Variants in SORCS1 observed in about 807,000 individuals in gnomAD.
SORCS1 encodes sortilin related VPS10 domain containing receptor 1, also known as VPS10 domain-containing receptor SorCS1.
In SORCS1, 60 loss-of-function variants were observed where a neutral mutation model predicts 146.1. The ratio of observed to expected loss-of-function variants is 0.41; its 90% CI spans 0.33 to 0.51. The LOEUF is 0.51. Ranked by LOEUF, SORCS1 falls within the 20% of genes least tolerant of loss-of-function variation. The probability of loss-of-function intolerance (pLI) is 0.21; values close to 1 mark genes in which losing one functional copy is unlikely to be tolerated. For missense variants in SORCS1, 1,352 were observed against 1,487.6 expected (o/e 0.91, Z 1.50); for synonymous variants, 637 against 584.0 (o/e 1.09, Z -1.31).
chr10:107,088,637 G>A (rs61867230), intron 1 of SORCS1, among the ~76,000 whole-genome samples: 20,317 of 152,234 alleles, frequency 0.13, 1,622 homozygotes, highest in South Asian at 0.19. Context: ...GATGATCAGT[G>A]GCTTTTTGTC....
chr10:106,780,546 T>C (rs1376331114), intron 3 of SORCS1, among the ~76,000 whole-genome samples: 1 of 152,146 alleles, frequency 6.6e-6, no homozygotes, highest in African/African-American at 2.4e-5. Context: ...CTGTTGTAAA[T>C]GAATAAAGGA....
At chr10:106,968,976 C>T (rs1202934750) in intron 1 of SORCS1, among the ~76,000 whole-genome samples, 1 of 152,090 alleles carries the variant, frequency 6.6e-6, no homozygotes, top group Non-Finnish European at 1.5e-5. Flanking sequence ...TTTTGTTTGC[C>T]TTGTCTGAGT....
intron 5 of SORCS1, among the ~76,000 whole-genome samples, chr10:106,731,062 C>A (rs894177096): frequency 3.3e-5 from 5 of 151,728 alleles, no homozygotes; most frequent in Non-Finnish European, 7.4e-5. Context: ...GTAATCCCAG[C>A]ACTTTGGGAG....
chr10:106,579,379 T>A lies in SORCS1; in HGVS notation c.3361A>T (p.Lys1121Ter), dbSNP rs1844765204. 2 of 1,613,678 alleles carry A rather than the reference T, an allele frequency of 1.2e-6. No homozygotes were observed. The highest frequency in any genetic ancestry group is 1.3e-5 in the African/African-American group (1 of 74,816). The part of the protein sequence containing the change: ...FVGLAVFVIY[K>*]FKRRVALPSP... Reference sequence around the variant, plus strand: ...TAGAGGGACACGCACCTTTTAAACTTGTAGATGACGAACACTGCCAGCCCC... The same window carrying A: ...TAGAGGGACACGCACCTTTTAAACTAGTAGATGACGAACACTGCCAGCCCC... The change falls in exon 25 of 26, where the codon AAG (lysine) becomes TAG (stop). Residue 1121 changes from lysine to a stop codon, truncating the protein, a stop_gained. Coordinates refer to ENST00000263054, the MANE Select transcript of SORCS1 (RefSeq NM_052918.5). LOFTEE classifies it high-confidence loss of function.
At chr10:107,025,003 A>G (rs1958337442) in intron 1 of SORCS1, among the ~76,000 whole-genome samples, 1 of 152,218 alleles carries the variant, frequency 6.6e-6, no homozygotes, top group Non-Finnish European at 1.5e-5. Flanking sequence ...TCAGTACTAG[A>G]GTGTTGTGAA....
intron 4 of SORCS1, among the ~76,000 whole-genome samples, chr10:106,766,227 T>G (rs1384306954): frequency 6.6e-6 from 1 of 152,142 alleles, no homozygotes; most frequent in Non-Finnish European, 1.5e-5. Context: ...GGCCTGCAAA[T>G]TGTACTTCTT....
chr10:107,089,311 TG>T (rs1227149877), intron 1 of SORCS1, among the ~76,000 whole-genome samples: 3 of 152,200 alleles, frequency 2.0e-5, no homozygotes, highest in Non-Finnish European at 2.9e-5. Flanking sequence ...AAACTGTTTA[TG>T]GGGTAAACAA....
chr10:106,707,301 G>A (rs1232769271), intron 7 of SORCS1, among the ~76,000 whole-genome samples: 1 of 151,182 alleles, frequency 6.6e-6, no homozygotes. Context: ...TGATTCTCCT[G>A]CCTTAGCCTC....
chr10:106,935,894 A>G (rs1953686286), intron 2 of SORCS1, among the ~76,000 whole-genome samples: 1 of 152,228 alleles, frequency 6.6e-6, no homozygotes, highest in Non-Finnish European at 1.5e-5. Context: ...CAAGTAGGTG[A>G]AGCTATTTCA....
chr10:106,620,114 G>A (rs1459196553), intron 20 of SORCS1: 1 of 198,134 alleles, frequency 5.0e-6, no homozygotes, highest in African/African-American at 2.3e-5. Flanking sequence ...ACTGTTGTTA[G>A]AACTTTCAGG....
At chr10:106,822,778 T>C (rs73373208) in intron 3 of SORCS1, among the ~76,000 whole-genome samples, 8,926 of 143,832 alleles carry the variant, frequency 0.062, 868 homozygotes, top group African/African-American at 0.2. Flanking sequence ...TGAATTCATG[T>C]GTGGTTTTTT....
chr10:106,704,138 A>G (rs11599352), intron 8 of SORCS1, among the ~76,000 whole-genome samples: 1 of 152,176 alleles, frequency 6.6e-6, no homozygotes, highest in Non-Finnish European at 1.5e-5. Flanking sequence ...ACCTCCAGCA[A>G]TGAGTCTACA....
chr10:106,892,161 A>T (rs1357151871), intron 2 of SORCS1, among the ~76,000 whole-genome samples: 9 of 152,242 alleles, frequency 5.9e-5, no homozygotes, highest in Non-Finnish European at 1.3e-4. Flanking sequence ...ATTGAATGAA[A>T]TGGACCGAGA....
At chr10:106,949,660 C>G (rs1564843410) in intron 2 of SORCS1, among the ~76,000 whole-genome samples, 1 of 152,218 alleles carries the variant, frequency 6.6e-6, no homozygotes, top group Non-Finnish European at 1.5e-5. Context: ...CACATTCTCT[C>G]TCCTTAAATT....
At chr10:106,745,533 T>G (rs1345172862) in intron 5 of SORCS1, among the ~76,000 whole-genome samples, 1 of 152,240 alleles carries the variant, frequency 6.6e-6, no homozygotes, top group Non-Finnish European at 1.5e-5. Context: ...AGATTGGCTA[T>G]GAATACTATA....
At chr10:106,700,596 G>A (rs1362298532) in intron 8 of SORCS1, among the ~76,000 whole-genome samples, 1 of 152,176 alleles carries the variant, frequency 6.6e-6, no homozygotes, top group Non-Finnish European at 1.5e-5. Flanking sequence ...CAATCTTCCT[G>A]TTAACAATTC....
At chr10:107,049,087 TA>T (rs1275707850) in intron 1 of SORCS1, among the ~76,000 whole-genome samples, 1 of 151,092 alleles carries the variant, frequency 6.6e-6, no homozygotes, top group Non-Finnish European at 1.5e-5. Context: ...TATGCAGCCA[TA>T]AAAAATGATG....
intron 3 of SORCS1, among the ~76,000 whole-genome samples, chr10:106,812,048 T>C (rs1442891808): frequency 6.6e-6 from 1 of 152,180 alleles, no homozygotes; most frequent in Non-Finnish European, 1.5e-5. Flanking sequence ...TCGCCCAGGC[T>C]GGAGTGCAGT....
intron 5 of SORCS1, among the ~76,000 whole-genome samples, chr10:106,749,281 T>C (rs1214888312): frequency 1.3e-5 from 2 of 152,198 alleles, no homozygotes; most frequent in African/African-American, 4.8e-5. Context: ...CCCGACAGGT[T>C]CTAGTTTGTC....
Sources: allele counts gnomAD v4.1 joint callset (sites outside exome capture counted in the v4.1 genomes callset), GRCh38; gene constraint gnomAD v4.1.1; transcripts MANE v1.5; gene names NCBI Gene and HGNC (gene_info 2026-07-23, HGNC 2026-07-21).